The following HDAC9 variants were observed in gnomAD, a reference collection of about 807,000 sequenced individuals.
HDAC9 encodes the protein histone deacetylase 9, also known as MEF-2 interacting transcription repressor (MITR) protein.
In HDAC9, 41 loss-of-function variants were observed where a neutral mutation model predicts 139.4. The observed-to-expected ratio is 0.29, with a 90% CI of 0.23 to 0.38. HDAC9 has a LOEUF of 0.38. HDAC9 is among the 10% of genes least tolerant of loss of function. The pLI is 1.00. For missense variants in HDAC9, 1,147 were observed against 1,297.0 expected (o/e 0.88, Z 1.78); for synonymous variants, 517 against 476.2 (o/e 1.09, Z -1.12).
At chr7:18,406,528 G>A (rs1349079041) in intron 1 of HDAC9, among the ~76,000 whole-genome samples, 2 of 152,036 alleles carry the variant, frequency 1.3e-5, no homozygotes, top group East Asian at 3.9e-4. Flanking sequence ...CGAGTAGCTG[G>A]GACTACAGGT....
chr7:18,573,882 C>T (rs552393209), intron 2 of HDAC9, among the ~76,000 whole-genome samples: 16 of 152,316 alleles, frequency 1.1e-4, no homozygotes, highest in Admixed American at 3.9e-4. Context: ...GGCCTGGGCT[C>T]CCCAAAGGGC....
At chr7:18,114,161 T>C (rs1035093334) in intron 1 of HDAC9, among the ~76,000 whole-genome samples, 3 of 152,226 alleles carry the variant, frequency 2.0e-5, no homozygotes, top group Admixed American at 6.5e-5. Flanking sequence ...TGCAAGATGA[T>C]ACTGTGGTCT....
chr7:18,794,377 A>G (rs1010096145), intron 17 of HDAC9, among the ~76,000 whole-genome samples: 5 of 152,240 alleles, frequency 3.3e-5, no homozygotes, highest in Non-Finnish European at 7.3e-5. Flanking sequence ...TTATTCAATT[A>G]CATGGGACTC....
chr7:18,761,526 A>G (rs985714389), intron 14 of HDAC9, among the ~76,000 whole-genome samples: 2 of 152,224 alleles, frequency 1.3e-5, no homozygotes, highest in Admixed American at 6.5e-5. Flanking sequence ...AGACATAAAA[A>G]TACTGTCAAA....
chr7:18,447,002 A>G (rs1792358060), intron 1 of HDAC9, among the ~76,000 whole-genome samples: 1 of 152,240 alleles, frequency 6.6e-6, no homozygotes, highest in Non-Finnish European at 1.5e-5. Flanking sequence ...TGAGCTTTAC[A>G]TTAAAAACAA....
At chr7:18,390,732 A>G (rs1198300434) in intron 1 of HDAC9, among the ~76,000 whole-genome samples, 1 of 152,228 alleles carries the variant, frequency 6.6e-6, no homozygotes, top group Non-Finnish European at 1.5e-5. Flanking sequence ...GAAGTGACTT[A>G]TGAGAATATA....
chr7:18,885,296 C>T (rs986179848), intron 22 of HDAC9, among the ~76,000 whole-genome samples: 3 of 152,164 alleles, frequency 2.0e-5, no homozygotes, highest in African/African-American at 7.2e-5. Context: ...TTCATCCTGG[C>T]TGTGTTGTTG....
chr7:18,931,969 G>A (rs1300433474), intron 22 of HDAC9, among the ~76,000 whole-genome samples: 1 of 152,094 alleles, frequency 6.6e-6, no homozygotes, highest in East Asian at 1.9e-4. Context: ...ACAACACAAA[G>A]TGTGAACCTC....
chr7:18,192,616 G>A (rs888455589), intron 2 of HDAC9, among the ~76,000 whole-genome samples: 3 of 152,014 alleles, frequency 2.0e-5, no homozygotes, highest in African/African-American at 4.8e-5. Flanking sequence ...TAGTATTTGG[G>A]GATGGTAGGT....
At chr7:18,780,229 A>G (rs1489412085) in intron 16 of HDAC9, among the ~76,000 whole-genome samples, 1 of 152,054 alleles carries the variant, frequency 6.6e-6, no homozygotes, top group African/African-American at 2.4e-5. Flanking sequence ...AAGGTGATAA[A>G]TGAAATGTGA....
chr7:18,919,417 A>C (rs570055531), intron 22 of HDAC9, among the ~76,000 whole-genome samples: 78 of 152,124 alleles, frequency 5.1e-4, no homozygotes, highest in Non-Finnish European at 7.2e-4. Flanking sequence ...AGAGAAGAAA[A>C]AATGTTGTAT....
rs577519295 is a variant in HDAC9 at position 18,346,041 on chromosome 7, A to G, written c.-42+55526A>G. 9.9e-5 allele frequency among the ~76,000 whole-genome samples: 15 copies of G among 152,204 alleles called. No homozygotes were observed. In the East Asian group the frequency reaches 1.5e-3, roughly 16 times the overall value. Reference sequence around the variant, plus strand: ...ATTTTTTCTAGAGAGACTAAAGTAGACCAATGCTAATTTAGAAAATATAGA... The same window carrying G: ...ATTTTTTCTAGAGAGACTAAAGTAGGCCAATGCTAATTTAGAAAATATAGA... On this transcript the variant is annotated intron_variant, in intron 1 of 3. Transcript: ENST00000413509.
intron 21 of HDAC9, among the ~76,000 whole-genome samples, chr7:18,853,596 A>G (rs550318507): frequency 1.8e-4 from 27 of 152,292 alleles, no homozygotes; most frequent in African/African-American, 6.5e-4. Flanking sequence ...AATGAGAATT[A>G]AGCATGTGCC....
chr7:18,284,492 A>T (rs909423075), intron 2 of HDAC9, among the ~76,000 whole-genome samples: 1 of 152,154 alleles, frequency 6.6e-6, no homozygotes, highest in Non-Finnish European at 1.5e-5. Context: ...ACTTCAGACA[A>T]GAAAAGTGTG....
chr7:18,804,630 A>T (rs1333500964), intron 17 of HDAC9, among the ~76,000 whole-genome samples: 2 of 152,186 alleles, frequency 1.3e-5, no homozygotes, highest in Non-Finnish European at 2.9e-5. Context: ...GTTGACTCCA[A>T]TTATGACCAA....
intron 1 of HDAC9, among the ~76,000 whole-genome samples, chr7:18,089,442 G>A (rs1481063983): frequency 6.6e-6 from 1 of 152,006 alleles, no homozygotes; most frequent in African/African-American, 2.4e-5. Context: ...CGTTATTATG[G>A]TAGAAAGAGT....
At chr7:18,330,180 G>A (rs754778292) in intron 1 of HDAC9, among the ~76,000 whole-genome samples, 2 of 151,536 alleles carry the variant, frequency 1.3e-5, no homozygotes, top group Non-Finnish European at 3.0e-5. Flanking sequence ...AGAGACATAG[G>A]TTCAAAACTA....
At position 18,485,814 on chromosome 7, in the gene HDAC9, C is replaced by A. The variant is rs952446762; in HGVS notation, c.-41-10448C>A. ...AAGTAACGTATCCAAGTTGTACAGT[C>A]CTGCATAATAAGTGGCAGAGACAAA... On this transcript the variant is annotated intron_variant, in intron 1 of 3. Coordinates refer to the HDAC9 transcript ENST00000413509. Among the ~76,000 whole-genome samples, 72 of 152,164 alleles carry A rather than the reference C, an allele frequency of 4.7e-4. 1 individual carries two copies. Among genetic ancestry groups the A allele is most frequent in the Admixed American group, 3.8e-3 (58 of 15,250 alleles).
chr7:18,339,672 A>G (rs1781853874), intron 1 of HDAC9, among the ~76,000 whole-genome samples: 1 of 151,312 alleles, frequency 6.6e-6, no homozygotes, highest in African/African-American at 2.4e-5. Context: ...TGCTGTATTT[A>G]TTTTCCACAT....
Sources: gnomAD v4.1 joint callset for allele counts (sites outside exome capture counted in the v4.1 genomes callset) on GRCh38, gnomAD v4.1.1 for gene constraint, MANE v1.5 for transcripts, NCBI Gene and HGNC (gene_info 2026-07-23, HGNC 2026-07-21) for gene names.